Variants in ATG10 observed in about 807,000 individuals in gnomAD.
The protein encoded by ATG10 is autophagy related 10.
ATG10 carries 30 observed loss-of-function variants against 32.1 expected under a neutral mutation model. The observed-to-expected ratio is 0.94, with a 90% CI of 0.70 to 1.27. The LOEUF is 1.27. Among genes scored for constraint, ATG10 ranks in the 50% most tolerant of loss-of-function variants. The probability of loss-of-function intolerance (pLI) is 0.00; values close to 1 mark genes in which losing one functional copy is unlikely to be tolerated. For missense variants in ATG10, 233 were observed against 262.3 expected, an observed-to-expected ratio of 0.89 and a Z score of 0.77; for synonymous variants, 87 against 91.5, an observed-to-expected ratio of 0.95 and a Z score of 0.28.
At chr5:82,245,484 C>T (rs952988909) in intron 5 of ATG10, among the ~76,000 whole-genome samples, 1 of 152,174 alleles carries the variant, frequency 6.6e-6, no homozygotes, top group African/African-American at 2.4e-5. Context: ...ATAGTATTGG[C>T]TCAGGTTACT....
At chr5:82,202,284 A>G (rs570361059) in intron 5 of ATG10, among the ~76,000 whole-genome samples, 23 of 152,314 alleles carry the variant, frequency 1.5e-4, no homozygotes, top group African/African-American at 5.3e-4. Flanking sequence ...TATTCAGATC[A>G]GTAGATTTTG....
At chr5:82,025,622 G>C (rs1256781460) in intron 2 of ATG10, among the ~76,000 whole-genome samples, 1 of 152,136 alleles carries the variant, frequency 6.6e-6, no homozygotes, top group Non-Finnish European at 1.5e-5. Flanking sequence ...ATAGGCTATA[G>C]GTGGACTCAG....
At chr5:82,009,240 C>A (rs1186396650) in intron 2 of ATG10, among the ~76,000 whole-genome samples, 1 of 152,106 alleles carries the variant, frequency 6.6e-6, no homozygotes, top group Non-Finnish European at 1.5e-5. Context: ...TGATTAATTG[C>A]TCTTTTGGTT....
chr5:82,207,514 C>A (rs149229774), intron 5 of ATG10, among the ~76,000 whole-genome samples: 58 of 152,162 alleles, frequency 3.8e-4, no homozygotes, highest in Non-Finnish European at 6.6e-4. Context: ...GAGTTTTTCA[C>A]AAATTTGAGG....
chr5:82,092,294 T>C (rs1488841126), intron 3 of ATG10, among the ~76,000 whole-genome samples: 1 of 152,184 alleles, frequency 6.6e-6, no homozygotes, highest in African/African-American at 2.4e-5. Context: ...CTGCTAAATA[T>C]ACAGAATTAA....
chr5:82,117,636 G>A (rs1765861894), intron 3 of ATG10, among the ~76,000 whole-genome samples: 1 of 152,110 alleles, frequency 6.6e-6, no homozygotes, highest in African/African-American at 2.4e-5. Context: ...AGCAAGAGGA[G>A]TTTCATTCAT....
chr5:82,168,603 A>T (rs1263877), intron 4 of ATG10, among the ~76,000 whole-genome samples: 152,261 of 152,284 alleles, frequency 1, 76,119 homozygotes, highest in Middle Eastern at 1. Context: ...GCCCAGGAAA[A>T]AAGGGTATAG....
intron 5 of ATG10, among the ~76,000 whole-genome samples, chr5:82,191,574 T>G (rs973302128): frequency 6.6e-6 from 1 of 152,212 alleles, no homozygotes; most frequent in Non-Finnish European, 1.5e-5. Context: ...AAAGATTAAG[T>G]AACATGTTGG....
At chr5:82,162,957 G>A (rs532231876) in intron 3 of ATG10, among the ~76,000 whole-genome samples, 7 of 152,148 alleles carry the variant, frequency 4.6e-5, no homozygotes, top group African/African-American at 1.7e-4. Context: ...TGAGGTATAG[G>A]AGTGCTGAGA....
chr5:81,977,888 T>C (rs1328214473), intron 1 of ATG10, among the ~76,000 whole-genome samples: 2 of 152,196 alleles, frequency 1.3e-5, no homozygotes, highest in African/African-American at 4.8e-5. Flanking sequence ...GTCTCATCTC[T>C]GAACAAAGAC....
intron 2 of ATG10, among the ~76,000 whole-genome samples, chr5:82,050,839 CAAAAAAAAAAAAAAAAAA>C (rs71000881): frequency 2.5e-4 from 9 of 36,276 alleles, no homozygotes; most frequent in African/African-American, 5.9e-4. Flanking sequence ...CCATCTCTAC[CAAAAAAAAAAAAAAAAAA>C]AAAAAAAAAA....
intron 2 of ATG10, among the ~76,000 whole-genome samples, chr5:82,008,850 A>AT (rs1762053156): frequency 6.6e-6 from 1 of 152,208 alleles, no homozygotes. Flanking sequence ...AGACATATAT[A>AT]TTTTATTTGT....
intron 4 of ATG10, among the ~76,000 whole-genome samples, chr5:82,171,436 T>C (rs1168027978): frequency 6.6e-6 from 1 of 152,198 alleles, no homozygotes; most frequent in Non-Finnish European, 1.5e-5. Context: ...AAACCATCTA[T>C]TTGTGCTATA....
intron 5 of ATG10, among the ~76,000 whole-genome samples, chr5:82,227,411 G>A (rs150693781): frequency 3.0e-4 from 46 of 152,040 alleles, no homozygotes; most frequent in African/African-American, 9.9e-4. Context: ...GGATCTATCT[G>A]TCATCCAGGC....
chr5:82,101,131 C>T (rs367989038), intron 3 of ATG10, among the ~76,000 whole-genome samples: 43 of 152,016 alleles, frequency 2.8e-4, no homozygotes, highest in African/African-American at 1.0e-3. Flanking sequence ...GAATTAAGTT[C>T]CTAATTAAGT....
chr5:82,201,061 C>T (rs2149962645), intron 5 of ATG10, among the ~76,000 whole-genome samples: 1 of 151,532 alleles, frequency 6.6e-6, no homozygotes, highest in South Asian at 2.1e-4. Flanking sequence ...ATTTTTGCAT[C>T]TTTAGTAGAG....
chr5:82,173,336 G>T (rs1743875314), intron 4 of ATG10, among the ~76,000 whole-genome samples: 1 of 152,176 alleles, frequency 6.6e-6, no homozygotes, highest in Admixed American at 6.5e-5. Flanking sequence ...TAGATTACTT[G>T]ACATGTGGGT....
intron 3 of ATG10, among the ~76,000 whole-genome samples, chr5:82,066,176 T>A (rs1763937880): frequency 6.6e-6 from 1 of 152,200 alleles, no homozygotes; most frequent in African/African-American, 2.4e-5. Context: ...CTCTAATGTC[T>A]TCATTTATGA....
intron 2 of ATG10, among the ~76,000 whole-genome samples, chr5:82,046,246 A>G (rs906623303): frequency 3.3e-5 from 5 of 152,190 alleles, no homozygotes; most frequent in Admixed American, 6.5e-5. Context: ...GAACCTGTGA[A>G]TGCAACCTTA....
Sources: allele counts gnomAD v4.1 joint callset (sites outside exome capture counted in the v4.1 genomes callset), GRCh38; gene constraint gnomAD v4.1.1; transcripts MANE v1.5; gene names NCBI Gene and HGNC (gene_info 2026-07-23, HGNC 2026-07-21).